The following TTLL7 variants were observed in gnomAD, a reference collection of about 807,000 sequenced individuals.
The protein encoded by TTLL7 is tubulin polyglutamylase TTLL7.
TTLL7 carries 53 observed loss-of-function variants against 120.2 expected under a neutral mutation model. The ratio of observed to expected loss-of-function variants is 0.44; its 90% CI spans 0.35 to 0.55. The LOEUF (loss-of-function observed/expected upper bound fraction) is 0.55, where lower values mean the gene tolerates loss of function less well. Ranked by LOEUF, TTLL7 falls within the 20% of genes least tolerant of loss-of-function variation. The pLI is 0.00. For synonymous variants in TTLL7, 353 were observed against 351.7 expected, an observed-to-expected ratio of 1.00 and a Z score of -0.04; for missense variants, 803 against 1,054.7, an observed-to-expected ratio of 0.76 and a Z score of 3.31.
intron 20 of TTLL7, 115 bp downstream of exon 20, chr1:83,882,848 T>A: frequency 8.3e-7 from 1 of 1,211,026 alleles, no homozygotes; most frequent in East Asian, 2.4e-5. Flanking sequence ...GTATGAACTT[T>A]CAGTCTTTAG....
At chr1:83,898,765 A>T (rs866196147) in intron 18 of TTLL7, among the ~76,000 whole-genome samples, 65 of 151,942 alleles carry the variant, frequency 4.3e-4, no homozygotes, top group African/African-American at 1.4e-3. Context: ...AATCAGCTAA[A>T]CACATTTAAA....
chr1:83,953,319 A>G (rs2100866172), intron 1 of TTLL7, among the ~76,000 whole-genome samples: 1 of 152,316 alleles, frequency 6.6e-6, no homozygotes, highest in South Asian at 2.1e-4. Context: ...TTCTTGTAAA[A>G]TATCTATAAA....
intron 12 of TTLL7, among the ~76,000 whole-genome samples, chr1:83,920,115 CA>C (rs1658516158): frequency 6.6e-6 from 1 of 152,078 alleles, no homozygotes; most frequent in Non-Finnish European, 1.5e-5. Context: ...AATGATTGCA[CA>C]AGAGTATTTT....
At chr1:83,906,233 C>T (rs1657186817) in intron 17 of TTLL7, 96 bp downstream of exon 17, 1 of 1,017,888 alleles carries the variant, frequency 9.8e-7, no homozygotes, top group Non-Finnish European at 1.5e-6. Flanking sequence ...TTTACTATGT[C>T]ACTGAGCATA....
chr1:83,952,390 G>T lies in TTLL7; in HGVS notation c.-176-3C>A. The stretch of plus-strand genomic sequence containing the variant: ...AAAGTTATGGGATAACAAGGTACCT[G>T]CAGTGATTTTAAAACAAGGTCATTT... On this transcript the variant is annotated splice_region_variant and splice_polypyrimidine_tract_variant and intron_variant, in intron 1 of 20. Transcript: ENST00000260505. The T allele has an allele frequency of 3.7e-6, 2 of 533,608 alleles. No individual in the cohort carries two copies. The highest frequency in any genetic ancestry group is 3.1e-6 in the Non-Finnish European group (1 of 325,936). 33.1% of individuals were successfully genotyped at this position (533,608 alleles called of 1,614,324 possible). A position where few individuals can be genotyped will look rare whatever the true frequency, so the allele number is the denominator to read the frequency against.
At chr1:83,996,995 A>C (rs1011505746) in intron 1 of TTLL7, among the ~76,000 whole-genome samples, 1 of 152,168 alleles carries the variant, frequency 6.6e-6, no homozygotes, top group Non-Finnish European at 1.5e-5. Flanking sequence ...TATAGGTTAT[A>C]GCCATGTAAA....
chr1:83,906,554 AC>A lies in TTLL7; in HGVS notation c.1993-92del, dbSNP rs747903029. 3.2e-6 allele frequency: 5 copies of A among 1,565,722 alleles called. No individual in the cohort carries two copies. The South Asian group carries it at 5.7e-5, about 18-fold the overall frequency. On this transcript the variant is annotated intron_variant, in intron 16 of 20. Transcript: ENST00000260505. The stretch of plus-strand genomic sequence containing the variant: ...AGATATTTCTAGGTAAAAATGATGC[AC>A]TTTTAACTGAAAACAATAACAATGA...
intron 10 of TTLL7, among the ~76,000 whole-genome samples, chr1:83,926,630 T>C (rs960274940): frequency 3.3e-5 from 5 of 152,150 alleles, no homozygotes; most frequent in Non-Finnish European, 5.9e-5. Context: ...ACTCAGAGAC[T>C]AGTGTCAGAG....
At chr1:83,955,153 T>C (rs1649398179) in intron 1 of TTLL7, among the ~76,000 whole-genome samples, 1 of 152,172 alleles carries the variant, frequency 6.6e-6, no homozygotes, top group African/African-American at 2.4e-5. Context: ...TTTCTCTGAT[T>C]ATATCTGAAG....
chr1:83,972,398 A>G (rs1196840858), intron 1 of TTLL7, among the ~76,000 whole-genome samples: 1 of 152,010 alleles, frequency 6.6e-6, no homozygotes, highest in Non-Finnish European at 1.5e-5. Context: ...TCACACAGTA[A>G]TATGCATTTA....
rs115339990 is a variant in TTLL7, at chr1:83,897,955, T to C, written c.2208+6124A>G. Among the ~76,000 whole-genome samples, 452 of 151,998 alleles carry C rather than the reference T, an allele frequency of 3.0e-3. 1 individual carries two copies. Among genetic ancestry groups the C allele is most frequent in the African/African-American group, 0.01 (433 of 41,494 alleles). ...AAGCTGGTAAAGCTTTCAATGATTA[T>C]TGACTGACATCACAGCCAAAAGAAG... On this transcript the variant is annotated intron_variant, in intron 18 of 20. Transcript: ENST00000260505.
chr1:83,951,381 T>C (rs1429869437), intron 3 of TTLL7, among the ~76,000 whole-genome samples: 5 of 151,976 alleles, frequency 3.3e-5, no homozygotes, highest in Non-Finnish European at 7.4e-5. Context: ...AATGTGTTAC[T>C]TAAATTTGGG....
chr1:83,919,294 T>G (rs1409222061), intron 13 of TTLL7, among the ~76,000 whole-genome samples: 1 of 133,248 alleles, frequency 7.5e-6, no homozygotes, highest in Non-Finnish European at 1.6e-5. Context: ...GTGTGTGTGT[T>G]TCATTTACTT....
At position 83,937,926 on chromosome 1, in the gene TTLL7, G is replaced by A; in HGVS notation, c.814C>T (p.Arg272Cys). The A allele has an allele frequency of 1.2e-6, 2 of 1,614,024 alleles. No individual in the cohort carries two copies. The highest frequency in any genetic ancestry group is 1.7e-6 in the Non-Finnish European group (2 of 1,179,964). Reference protein sequence around the residue: ...RDETENKGSKRSIKWFTEFLQ... With the variant: ...RDETENKGSKCSIKWFTEFLQ... ...AATTCTGTAAACCATTTGATGGAAC[G>A]TTTGCTGCCTTTGTTCTCAGTTTCA... The change falls in exon 8 of 21, where the codon CGT (arginine) becomes TGT (cysteine). Residue 272 changes from arginine to cysteine, a missense_variant. By Grantham distance (180) the Arg-to-Cys change is radical (BLOSUM62 -3). Coordinates refer to ENST00000260505, the MANE Select transcript of TTLL7 (RefSeq NM_024686.6).
intron 7 of TTLL7, 99 bp from the exon 8 acceptor site, chr1:83,938,115 A>C: frequency 1.8e-6 from 2 of 1,117,788 alleles, no homozygotes; most frequent in Non-Finnish European, 2.6e-6. Flanking sequence ...AGAAAGTTTT[A>C]AAGTTTAAAC....
At chr1:83,954,317 T>A (rs1391529745) in intron 1 of TTLL7, among the ~76,000 whole-genome samples, 1 of 152,182 alleles carries the variant, frequency 6.6e-6, no homozygotes, top group Non-Finnish European at 1.5e-5. Flanking sequence ...TACAGGAATT[T>A]AAAGTTCTTA....
chr1:83,973,931 C>T (rs1438935727), intron 1 of TTLL7, among the ~76,000 whole-genome samples: 1 of 151,928 alleles, frequency 6.6e-6, no homozygotes, highest in East Asian at 1.9e-4. Flanking sequence ...TGGAAATGTT[C>T]TCTATCTTGA....
intron 1 of TTLL7, among the ~76,000 whole-genome samples, chr1:83,989,128 T>C (rs112786607): frequency 1.3e-5 from 2 of 152,240 alleles, no homozygotes; most frequent in African/African-American, 4.8e-5. Context: ...ATTCTGTAGG[T>C]TGTCTGTCTA....
intron 18 of TTLL7, among the ~76,000 whole-genome samples, chr1:83,891,244 A>G (rs1655435070): frequency 6.6e-6 from 1 of 152,078 alleles, no homozygotes; most frequent in Admixed American, 6.6e-5. Flanking sequence ...TAGTATCAGG[A>G]ATATATAAAG....
Sources: gnomAD v4.1 joint callset for allele counts (sites outside exome capture counted in the v4.1 genomes callset) on GRCh38, gnomAD v4.1.1 for gene constraint, MANE v1.5 for transcripts, NCBI Gene and HGNC (gene_info 2026-07-23, HGNC 2026-07-21) for gene names.